The following PMEPA1 variants were observed in gnomAD, a reference collection of about 807,000 sequenced individuals.
The protein encoded by PMEPA1 is protein TMEPAI.
PMEPA1 carries 11 observed loss-of-function variants against 23.0 expected under a neutral mutation model. That is an observed-to-expected ratio of 0.48 (90% CI 0.30 to 0.79). The LOEUF (loss-of-function observed/expected upper bound fraction) is 0.79, where lower values mean the gene tolerates loss of function less well. PMEPA1 is among the 30% of genes least tolerant of loss of function. PMEPA1 has a pLI of 0.06. For synonymous variants in PMEPA1, 204 were observed against 166.4 expected (o/e 1.23, Z -1.74); for missense variants, 377 against 390.9 (o/e 0.96, Z 0.30).
chr20:57,708,782 C>T (rs981543776), intron 1 of PMEPA1, among the ~76,000 whole-genome samples: 8 of 152,108 alleles, frequency 5.3e-5, no homozygotes, highest in African/African-American at 1.9e-4. Context: ...TCCCCAGATC[C>T]GGCCCAACCA....
intron 1 of PMEPA1, among the ~76,000 whole-genome samples, chr20:57,677,433 C>T (rs1379957043): frequency 1.3e-5 from 2 of 152,172 alleles, no homozygotes; most frequent in African/African-American, 2.4e-5. Context: ...GAAAGCGCCT[C>T]GATGACCCTT....
At position 57,655,940 on chromosome 20, in the gene PMEPA1, T is replaced by C. The variant is rs1262220777; in HGVS notation, c.265-2854A>G. On this transcript the variant is annotated intron_variant, in intron 2 of 3. Transcript: ENST00000341744. This position sits in a 1 kb window ranked among gnomAD's most constrained non-coding sequence, Gnocchi z 4.2. The stretch of plus-strand genomic sequence containing the variant: ...GCAAAACGCACTCGAAAACACTTCA[T>C]TCACACTCAGAAAAGACCTCATTGA... Among the ~76,000 whole-genome samples, 1 of 151,980 alleles carries C rather than the reference T, an allele frequency of 6.6e-6. No homozygotes were observed. The highest frequency in any genetic ancestry group is 2.4e-5 in the African/African-American group (1 of 41,424).
intron 1 of PMEPA1, among the ~76,000 whole-genome samples, chr20:57,684,431 T>C (rs1375445918): frequency 1.3e-5 from 2 of 152,098 alleles, no homozygotes; most frequent in African/African-American, 2.4e-5. Flanking sequence ...CACTGGGCTG[T>C]GTAGCTGCCT....
At chr20:57,705,891 C>T (rs1046763107) in intron 1 of PMEPA1, among the ~76,000 whole-genome samples, 2 of 152,100 alleles carry the variant, frequency 1.3e-5, no homozygotes, top group African/African-American at 4.8e-5. Context: ...CCTTTCCTGC[C>T]CCCCAACAAA....
chr20:57,682,395 C>T lies in PMEPA1; in HGVS notation c.110-22698G>A, dbSNP rs892249111. On this transcript the variant is annotated intron_variant, in intron 1 of 3. Coordinates refer to ENST00000341744, the MANE Select transcript of PMEPA1 (RefSeq NM_020182.5). The surrounding 1 kb of genome is among the most constrained non-coding windows in gnomAD (Gnocchi z 4.4). ...ATCCATAAAATGGGGAAATGACAGCCCGCTGCCCTTGCATACCTAAGCACA... is the reference window on the plus strand; with the variant it reads ...ATCCATAAAATGGGGAAATGACAGCTCGCTGCCCTTGCATACCTAAGCACA... 6.6e-5 allele frequency among the ~76,000 whole-genome samples: 10 copies of T among 152,166 alleles called. No individual in the cohort carries two copies. The highest frequency in any genetic ancestry group is 2.4e-4 in the African/African-American group (10 of 41,422).
At chr20:57,674,165 T>C (rs2071605750) in intron 1 of PMEPA1, among the ~76,000 whole-genome samples, 1 of 152,122 alleles carries the variant, frequency 6.6e-6, no homozygotes, top group Non-Finnish European at 1.5e-5. Flanking sequence ...ACGGAGCCTC[T>C]AGGGAAGTAA....
intron 1 of PMEPA1, among the ~76,000 whole-genome samples, chr20:57,669,440 C>T (rs1305313128): frequency 3.3e-5 from 5 of 152,184 alleles, no homozygotes; most frequent in East Asian, 3.9e-4. Context: ...GGATTACAGG[C>T]GTGAGCCACC....
At chr20:57,706,436 C>T (rs1367867117) in intron 1 of PMEPA1, among the ~76,000 whole-genome samples, 1 of 152,186 alleles carries the variant, frequency 6.6e-6, no homozygotes, top group Non-Finnish European at 1.5e-5. Flanking sequence ...GTGCTGCCTG[C>T]TTTTAATCCC....
At chr20:57,697,946 G>A (rs1037042346) in intron 1 of PMEPA1, among the ~76,000 whole-genome samples, 1 of 152,234 alleles carries the variant, frequency 6.6e-6, no homozygotes, top group Admixed American at 6.5e-5. Flanking sequence ...CATTGTTAGA[G>A]AAATGAGTAG....
chr20:57,656,925 C>T lies in PMEPA1; in HGVS notation c.264+2618G>A, dbSNP rs1315202868. Among the ~76,000 whole-genome samples, 1 of 152,188 alleles carries T rather than the reference C, an allele frequency of 6.6e-6. No homozygotes were observed. Among genetic ancestry groups the T allele is most frequent in the African/African-American group, 2.4e-5 (1 of 41,448 alleles). Reference sequence around the variant, plus strand: ...GGAAGGCCGCGGGGCCCAGGGACTCCTGTCTGGCAGGGGGTCCCCAGGGGA... The same window carrying T: ...GGAAGGCCGCGGGGCCCAGGGACTCTTGTCTGGCAGGGGGTCCCCAGGGGA... On this transcript the variant is annotated intron_variant, in intron 2 of 3. Transcript: ENST00000341744. This position sits in a 1 kb window ranked among gnomAD's most constrained non-coding sequence, Gnocchi z 4.7.
At chr20:57,688,351 G>C (rs1160508158) in intron 1 of PMEPA1, among the ~76,000 whole-genome samples, 3 of 151,106 alleles carry the variant, frequency 2.0e-5, no homozygotes, top group Non-Finnish European at 4.4e-5. Flanking sequence ...ACTTCTTTGT[G>C]GGGTGGGCTG....
intron 2 of PMEPA1, among the ~76,000 whole-genome samples, chr20:57,659,060 A>C (rs989929425): frequency 1.1e-4 from 17 of 152,314 alleles, no homozygotes; most frequent in African/African-American, 3.8e-4. Flanking sequence ...GACGGGGGTC[A>C]GCTTGCGCTG....
intron 2 of PMEPA1, among the ~76,000 whole-genome samples, chr20:57,654,760 A>G (rs1405717754): frequency 2.0e-5 from 3 of 152,174 alleles, no homozygotes; most frequent in African/African-American, 7.2e-5. Context: ...GTCCATCTGC[A>G]GCCTGCAAAA....
chr20:57,701,676 C>G (rs2072013196), intron 1 of PMEPA1, among the ~76,000 whole-genome samples: 1 of 152,164 alleles, frequency 6.6e-6, no homozygotes, highest in African/African-American at 2.4e-5. Flanking sequence ...GTCCTGACAA[C>G]CCCATAGAAC....
chr20:57,686,820 C>T (rs541800532), intron 1 of PMEPA1, among the ~76,000 whole-genome samples: 3 of 152,206 alleles, frequency 2.0e-5, no homozygotes, highest in African/African-American at 7.2e-5. Context: ...AGTGAACACC[C>T]CACAAACAAA....
At chr20:57,702,158 G>A (rs538771496) in intron 1 of PMEPA1, among the ~76,000 whole-genome samples, 85 of 152,280 alleles carry the variant, frequency 5.6e-4, no homozygotes, top group African/African-American at 1.3e-3. Context: ...TGTCTGTGTC[G>A]TTCCCTGACG....
Position 57,682,657 on chromosome 20 carries a change from T to C in PMEPA1, c.110-22960A>G, listed in dbSNP as rs1909741943. Among the ~76,000 whole-genome samples the C allele has an allele frequency of 8.8e-6, 1 of 113,928 alleles. No homozygotes were observed. The highest frequency in any genetic ancestry group is 3.8e-5 in the African/African-American group (1 of 26,200). 74.7% of individuals were successfully genotyped at this position (113,928 alleles called of 152,430 possible). On this transcript the variant is annotated intron_variant, in intron 1 of 3. Transcript: ENST00000341744. The surrounding 1 kb of genome is among the most constrained non-coding windows in gnomAD (Gnocchi z 4.4). ...GACCCACACTCCTCCAGTTTTTGAT[T>C]TAAAAAAAATCCCTGAAACAGCACC...
Position 57,652,729 on chromosome 20 carries a change from C to T in PMEPA1, c.319-131G>A. 4 of 876,602 alleles carry T rather than the reference C, an allele frequency of 4.6e-6. No individual in the cohort carries two copies. Among genetic ancestry groups the T allele is most frequent in the East Asian group, 2.7e-5 (1 of 37,394 alleles). 54.3% of individuals were successfully genotyped at this position (876,602 alleles called of 1,614,324 possible). Reference sequence around the variant, plus strand: ...GAAAGGGAGAGGGCAGCAGGGCTGGCGGGGGCGGGAGCCCAGAGCCTGATC... The same window carrying T: ...GAAAGGGAGAGGGCAGCAGGGCTGGTGGGGGCGGGAGCCCAGAGCCTGATC... On this transcript the variant is annotated intron_variant, in intron 3 of 3. Transcript: ENST00000341744. This position sits in a 1 kb window ranked among gnomAD's most constrained non-coding sequence, Gnocchi z 6.1.
chr20:57,688,265 AG>A (rs2071827964), intron 1 of PMEPA1, among the ~76,000 whole-genome samples: 1 of 152,098 alleles, frequency 6.6e-6, no homozygotes, highest in African/African-American at 2.4e-5. Context: ...CAAGTTGGAG[AG>A]GGGGGTGTCT....
Sources: allele counts gnomAD v4.1 joint callset (sites outside exome capture counted in the v4.1 genomes callset), GRCh38; gene constraint gnomAD v4.1.1; non-coding constraint Gnocchi (gnomAD v3.1); transcripts MANE v1.5; gene names NCBI Gene and HGNC (gene_info 2026-07-23, HGNC 2026-07-21).